WWTR1: variants seen among roughly 807,000 people sequenced by gnomAD.
The protein encoded by WWTR1 is WW domain-containing transcription regulator protein 1.
WWTR1 carries 13 observed loss-of-function variants against 40.1 expected under a neutral mutation model. The observed-to-expected ratio is 0.32, with a 90% CI of 0.21 to 0.52. WWTR1 has a LOEUF of 0.52. Ranked by LOEUF, WWTR1 falls within the 20% of genes least tolerant of loss-of-function variation. The probability of loss-of-function intolerance (pLI) is 0.97; values close to 1 mark genes in which losing one functional copy is unlikely to be tolerated. For synonymous variants in WWTR1, 230 were observed against 210.1 expected, an observed-to-expected ratio of 1.09 and a Z score of -0.82; for missense variants, 436 against 523.1, an observed-to-expected ratio of 0.83 and a Z score of 1.63.
rs754257673 is a variant in WWTR1 at position 149,542,563 on chromosome 3, T to C, written c.569-26A>G. ...CTGCAAGAGGGAAGAACATACAGATTAATGACCAGGGCCCACAATACCTTA... is the reference window on the plus strand; with the variant it reads ...CTGCAAGAGGGAAGAACATACAGATCAATGACCAGGGCCCACAATACCTTA... On this transcript the variant is annotated intron_variant, in intron 3 of 6. Coordinates refer to ENST00000360632, the MANE Select transcript of WWTR1 (RefSeq NM_015472.6). The C allele has an allele frequency of 1.1e-5, 18 of 1,587,344 alleles. No individual in the cohort carries two copies. The African/African-American group carries it at 1.9e-4, about 17-fold the overall frequency.
chr3:149,531,416 G>A (rs1735577467), intron 4 of WWTR1, among the ~76,000 whole-genome samples: 1 of 152,080 alleles, frequency 6.6e-6, no homozygotes, highest in African/African-American at 2.4e-5. Flanking sequence ...TGTTCCACCT[G>A]GATGGTAAAT....
At chr3:149,708,941 G>A (rs996786278) in intron 5 of WWTR1, among the ~76,000 whole-genome samples, 5 of 152,070 alleles carry the variant, frequency 3.3e-5, no homozygotes, top group Non-Finnish European at 7.4e-5. Context: ...CATCATACTA[G>A]TGTTCCAGTT....
At chr3:149,674,821 C>T (rs1223272749) in intron 1 of WWTR1, among the ~76,000 whole-genome samples, 1 of 118,160 alleles carries the variant, frequency 8.5e-6, no homozygotes, top group East Asian at 2.7e-4. Flanking sequence ...CTAGTTTTGA[C>T]ATTCAAAGCT....
rs1560044727 is a variant in WWTR1, at chr3:149,527,819, C to A, written c.905+17G>T. On this transcript the variant is annotated intron_variant, in intron 5 of 6. Transcript: ENST00000360632. ...ATAAAGAGAATAAAAATAAGTGGCC[C>A]CCAAATATTAACTTACCCATTGAGG... 1 of 1,613,586 alleles carries A rather than the reference C, an allele frequency of 6.2e-7. No individual in the cohort carries two copies. Among genetic ancestry groups the A allele is most frequent in the Middle Eastern group, 1.7e-4 (1 of 5,816 alleles).
At chr3:149,632,177 T>G (rs559502121) in intron 2 of WWTR1, among the ~76,000 whole-genome samples, 5 of 152,192 alleles carry the variant, frequency 3.3e-5, no homozygotes, top group Non-Finnish European at 7.3e-5. Context: ...CCTCGCAAAG[T>G]ACTGGGATTA....
intron 2 of WWTR1, among the ~76,000 whole-genome samples, chr3:149,586,989 T>C (rs1326987566): frequency 6.6e-6 from 1 of 152,182 alleles, no homozygotes; most frequent in African/African-American, 2.4e-5. Context: ...CTGAATCCCT[T>C]GTAACATTCT....
intron 2 of WWTR1, among the ~76,000 whole-genome samples, chr3:149,663,446 A>C (rs929166404): frequency 2.6e-5 from 4 of 152,022 alleles, no homozygotes; most frequent in Non-Finnish European, 5.9e-5. Flanking sequence ...CTGTAATCCT[A>C]GCACTTTGGG....
At position 149,520,032 on chromosome 3, in the gene WWTR1, CTT is replaced by C. The variant is rs1734968633; in HGVS notation, c.*771_*772del. On this transcript the variant is annotated 3_prime_UTR_variant, in exon 7 of 7. Coordinates refer to ENST00000360632, the MANE Select transcript of WWTR1 (RefSeq NM_015472.6). ...ATCCCCAGTTGTAATATTTCAAAAA[CTT>C]TTGTTTGAATAAAATGCTCATAATT... The C allele has an allele frequency of 6.6e-6, 1 of 151,560 alleles. No individual in the cohort carries two copies. Among genetic ancestry groups the C allele is most frequent in the Non-Finnish European group, 1.5e-5 (1 of 67,930 alleles). 9.4% of individuals were successfully genotyped at this position (151,560 alleles called of 1,614,324 possible). A position where few individuals can be genotyped will look rare whatever the true frequency, so the allele number is the denominator to read the frequency against.
chr3:149,657,393 T>A, intron 1 of WWTR1, 84 bp from the exon 2 acceptor site: 1 of 1,418,820 alleles, frequency 7.0e-7, no homozygotes, highest in Non-Finnish European at 9.4e-7. Flanking sequence ...GGCGAGATGG[T>A]GGGAGAAAGA....
intron 3 of WWTR1, among the ~76,000 whole-genome samples, chr3:149,551,618 C>G (rs1736622288): frequency 6.9e-6 from 1 of 145,580 alleles, no homozygotes; most frequent in Non-Finnish European, 1.5e-5. Context: ...AGAGGGTGAC[C>G]AATTATCCTG....
rs148512227 is a variant in WWTR1, at chr3:149,694,392, C to A, written c.-108+8732G>T. The stretch of plus-strand genomic sequence containing the variant: ...CTGGGCGACAGAGCAAGAGCAAGAG[C>A]AAGACTCTGTCTCAAAAACAAAACA... On this transcript the variant is annotated intron_variant, in intron 1 of 7. Transcript: ENST00000465804. 5.8e-3 allele frequency among the ~76,000 whole-genome samples: 882 copies of A among 152,104 alleles called. 4 individuals carry two copies. The highest frequency in any genetic ancestry group is 8.9e-3 in the Non-Finnish European group (604 of 67,974).
At position 149,576,859 on chromosome 3, in the gene WWTR1, G is replaced by C. The variant is rs896840857; in HGVS notation, c.432-3859C>G. 2.6e-4 allele frequency among the ~76,000 whole-genome samples: 39 copies of C among 151,970 alleles called. 1 individual carries two copies. Among genetic ancestry groups the C allele is most frequent in the Admixed American group, 2.2e-3 (34 of 15,262 alleles). ...AAAAATACTAATGAAGGTACAAAAA[G>C]ACAAAAAAGAAAATTGATGCATGAA... On this transcript the variant is annotated intron_variant, in intron 2 of 6. Coordinates refer to ENST00000360632, the MANE Select transcript of WWTR1 (RefSeq NM_015472.6).
intron 2 of WWTR1, among the ~76,000 whole-genome samples, chr3:149,590,440 A>G (rs1026881832): frequency 2.0e-5 from 3 of 152,184 alleles, no homozygotes; most frequent in Non-Finnish European, 4.4e-5. Flanking sequence ...ACCTGAGGTC[A>G]GGAGTTTCAG....
At chr3:149,652,912 G>T (rs1712976966) in intron 2 of WWTR1, among the ~76,000 whole-genome samples, 1 of 151,938 alleles carries the variant, frequency 6.6e-6, no homozygotes, top group East Asian at 1.9e-4. Flanking sequence ...GAGCCTTGAG[G>T]AGGTGAAGGA....
chr3:149,565,347 C>A (rs1560062881), intron 3 of WWTR1, among the ~76,000 whole-genome samples: 2 of 151,166 alleles, frequency 1.3e-5, no homozygotes, highest in East Asian at 3.9e-4. Flanking sequence ...AGACATTTTT[C>A]ATGGCTTTTA....
At chr3:149,620,570 C>CCCCA (rs1553799939) in intron 2 of WWTR1, among the ~76,000 whole-genome samples, 2 of 150,498 alleles carry the variant, frequency 1.3e-5, no homozygotes, top group African/African-American at 4.9e-5. Flanking sequence ...CCGCTCCCCC[C>CCCCA]CACACACACA....
chr3:149,717,799 C>T (rs943427874), intron 4 of WWTR1, among the ~76,000 whole-genome samples: 7 of 152,086 alleles, frequency 4.6e-5, no homozygotes, highest in African/African-American at 1.7e-4. Flanking sequence ...TTTGGAAGGT[C>T]TCTCTTATGG....
Position 149,699,232 on chromosome 3 carries a change from C to T in WWTR1, c.-108+3892G>A, listed in dbSNP as rs1003229412. ...TGTGGGTGATTAGAAGCAGCCAGGG[C>T]ACATCTTGAATGCTTTGTTGCTTAG... On this transcript the variant is annotated intron_variant, in intron 1 of 7. Transcript: ENST00000465804. Among the ~76,000 whole-genome samples the T allele has an allele frequency of 4.6e-5, 7 of 151,858 alleles. No individual in the cohort carries two copies. The East Asian group carries it at 7.7e-4, about 17-fold the overall frequency.
chr3:149,682,000 T>C (rs543464486), intron 1 of WWTR1, among the ~76,000 whole-genome samples: 21 of 152,210 alleles, frequency 1.4e-4, no homozygotes, highest in Non-Finnish European at 2.9e-4. Flanking sequence ...TGGTATTGCA[T>C]ACTTAAAAAT....
Sources: allele counts gnomAD v4.1 joint callset (sites outside exome capture counted in the v4.1 genomes callset), GRCh38; gene constraint gnomAD v4.1.1; transcripts MANE v1.5; gene names NCBI Gene and HGNC (gene_info 2026-07-23, HGNC 2026-07-21).